The following DAP3 variants were observed in gnomAD, a reference collection of about 807,000 sequenced individuals.
The protein encoded by DAP3 is small ribosomal subunit protein mS29.
In DAP3, 28 loss-of-function variants were observed where a neutral mutation model predicts 51.9. The observed-to-expected ratio is 0.54, with a 90% CI of 0.40 to 0.74. The LOEUF is 0.74. Among genes scored for constraint, DAP3 ranks in the 30% least tolerant of loss-of-function variants. DAP3 has a pLI of 0.00. For synonymous variants in DAP3, 170 were observed against 170.3 expected (o/e 1.00, Z 0.01); for missense variants, 458 against 483.5 (o/e 0.95, Z 0.49).
intron 6 of DAP3, 130 bp downstream of exon 6, chr1:155,726,149 TGTC>T: frequency 1.3e-6 from 1 of 787,438 alleles, no homozygotes; most frequent in South Asian, 1.9e-5. Flanking sequence ...GTTTCGCTCT[TGTC>T]GGCCAGTCTG....
chr1:155,738,298 G>C lies in DAP3; in HGVS notation c.*56G>C, dbSNP rs1660015275. On this transcript the variant is annotated 3_prime_UTR_variant, in exon 13 of 13. Transcript: ENST00000368336. The stretch of plus-strand genomic sequence containing the variant: ...GGACATCTGCTTTATGCTGGACCCA[G>C]TAAGATGAGGAAGTCGGGCAGTACA... The C allele has an allele frequency of 1.3e-6, 2 of 1,593,184 alleles. No individual in the cohort carries two copies. Among genetic ancestry groups the C allele is most frequent in the South Asian group, 2.2e-5 (2 of 89,992 alleles).
upstream of DAP3, chr1:155,688,050 G>T (rs184133133): frequency 3.9e-6 from 6 of 1,554,258 alleles, no homozygotes; most frequent in African/African-American, 2.7e-5. Context: ...CCCGAATGCC[G>T]GCCCAAATCG....
chr1:155,694,013 C>G (rs980954484), intron 1 of DAP3, among the ~76,000 whole-genome samples: 2 of 141,624 alleles, frequency 1.4e-5, no homozygotes, highest in Non-Finnish European at 2.9e-5. Flanking sequence ...ATCAATATTT[C>G]TAAATCATTT....
chr1:155,717,269 G>A, intron 3 of DAP3, 141 bp downstream of exon 3: 18 of 1,330,724 alleles, frequency 1.4e-5, no homozygotes, highest in Non-Finnish European at 1.8e-5. Flanking sequence ...TAGCACTCTG[G>A]AACCCAGATT....
At chr1:155,690,730 TA>T (rs1218416464) in intron 1 of DAP3, among the ~76,000 whole-genome samples, 1 of 141,854 alleles carries the variant, frequency 7.0e-6, no homozygotes, top group East Asian at 1.9e-4. Flanking sequence ...AACTCTTCTG[TA>T]AATTTACACT....
intron 3 of DAP3, among the ~76,000 whole-genome samples, chr1:155,720,324 CAAAAAAAAAAAAAAAAAAA>C (rs61252469): frequency 5.5e-4 from 18 of 32,810 alleles, no homozygotes; most frequent in Non-Finnish European, 8.8e-4. Context: ...GATCTTGTCT[CAAAAAAAAAAAAAAAAAAA>C]AAAAAAAAAG....
At chr1:155,709,391 C>T (rs929003566) in intron 1 of DAP3, among the ~76,000 whole-genome samples, 2 of 152,094 alleles carry the variant, frequency 1.3e-5, no homozygotes, top group Admixed American at 1.3e-4. Flanking sequence ...AGCAATCCAC[C>T]CACCTCAGCC....
intron 9 of DAP3, 86 bp downstream of exon 9, chr1:155,729,452 C>G (rs1268996209): frequency 6.7e-7 from 1 of 1,497,446 alleles, no homozygotes; most frequent in African/African-American, 1.4e-5. Flanking sequence ...GTAGACCATG[C>G]AATATGTTTT....
chr1:155,688,135 C>T, upstream of DAP3: 2 of 1,612,854 alleles, frequency 1.2e-6, no homozygotes, highest in Non-Finnish European at 1.7e-6. Flanking sequence ...CCGCCAGGCT[C>T]CTCCGCTTCC....
At chr1:155,703,312 A>T (rs1655544737) in intron 1 of DAP3, among the ~76,000 whole-genome samples, 1 of 152,232 alleles carries the variant, frequency 6.6e-6, no homozygotes, top group South Asian at 2.1e-4. Context: ...AGCAAGTCAT[A>T]TCTTACATGG....
Position 155,738,418 on chromosome 1 carries a change from G to A in DAP3, c.*176G>A. 3 of 531,380 alleles carry A rather than the reference G, an allele frequency of 5.6e-6. No homozygotes were observed. Among genetic ancestry groups the A allele is most frequent in the Non-Finnish European group, 9.9e-6 (3 of 303,278 alleles). The allele number at this position is 531,380 out of a possible 1,614,324, so 32.9% of individuals were successfully genotyped here. A position where few individuals can be genotyped will look rare whatever the true frequency, so the allele number is the denominator to read the frequency against. On this transcript the variant is annotated 3_prime_UTR_variant, in exon 13 of 13. Coordinates refer to ENST00000368336, the MANE Select transcript of DAP3 (RefSeq NM_004632.4). ...AAAATGGGTTTCACTGTGAATGCGT[G>A]ACAATAAGATATTCCCTTGTTCCTA...
chr1:155,730,676 C>A (rs945077488), intron 9 of DAP3, among the ~76,000 whole-genome samples: 1 of 151,870 alleles, frequency 6.6e-6, no homozygotes, highest in African/African-American at 2.4e-5. Context: ...GAGGTAATGC[C>A]AAGAGTTCCA....
At chr1:155,725,150 T>G (rs1658429902) in intron 4 of DAP3, among the ~76,000 whole-genome samples, 1 of 152,178 alleles carries the variant, frequency 6.6e-6, no homozygotes, top group African/African-American at 2.4e-5. Context: ...GTAATAGGAA[T>G]AATCAAAAGC....
chr1:155,731,488 T>G, intron 10 of DAP3, 73 bp downstream of exon 10: 1 of 1,447,690 alleles, frequency 6.9e-7, no homozygotes, highest in South Asian at 1.1e-5. Flanking sequence ...TACTATTTCA[T>G]TGCTAATACT....
At chr1:155,736,854 A>G (rs1332543271) in intron 11 of DAP3, 92 bp from the exon 12 acceptor site, 4 of 1,056,456 alleles carry the variant, frequency 3.8e-6, no homozygotes, top group Non-Finnish European at 5.9e-6. Context: ...AAGAAAAACA[A>G]ATACCTTACC....
At chr1:155,725,519 A>G (rs1658471453) in intron 5 of DAP3, 29 bp downstream of exon 5, 2 of 1,572,826 alleles carry the variant, frequency 1.3e-6, no homozygotes, top group Non-Finnish European at 1.8e-6. Context: ...GTGGACCCTC[A>G]TGAACCAATG....
intron 4 of DAP3, among the ~76,000 whole-genome samples, chr1:155,722,571 G>T (rs1658125527): frequency 6.6e-6 from 1 of 151,880 alleles, no homozygotes; most frequent in East Asian, 1.9e-4. Flanking sequence ...AAAAACATGG[G>T]CAACCCTCTC....
intron 1 of DAP3, among the ~76,000 whole-genome samples, chr1:155,708,206 C>T (rs544610383): frequency 6.6e-6 from 1 of 152,210 alleles, no homozygotes; most frequent in African/African-American, 2.4e-5. Flanking sequence ...TACCACCACG[C>T]CCAGCTAATT....
intron 3 of DAP3, 101 bp downstream of exon 3, chr1:155,717,229 T>C: frequency 6.5e-7 from 1 of 1,547,540 alleles, no homozygotes; most frequent in Non-Finnish European, 8.7e-7. Flanking sequence ...GCTTAGTAGA[T>C]TTGCATTTAC....
Sources: allele counts gnomAD v4.1 joint callset (sites outside exome capture counted in the v4.1 genomes callset), GRCh38; gene constraint gnomAD v4.1.1; transcripts MANE v1.5; gene names NCBI Gene and HGNC (gene_info 2026-07-23, HGNC 2026-07-21).